Variants in FAT3 observed in about 807,000 individuals in gnomAD.
FAT3 encodes the protein protocadherin Fat 3.
A neutral mutation model predicts 310.2 loss-of-function variants in FAT3; 95 were observed. That is an observed-to-expected ratio of 0.31 (90% CI 0.26 to 0.36). The LOEUF (loss-of-function observed/expected upper bound fraction) is 0.36. Among genes scored for constraint, FAT3 ranks in the 10% least tolerant of loss-of-function variants. FAT3 has a pLI of 1.00. For missense variants in FAT3, 5,408 were observed against 5,715.6 expected (o/e 0.95, Z 1.74); for synonymous variants, 2,314 against 2,192.9 (o/e 1.06, Z -1.54).
Position 92,618,340 on chromosome 11 carries a change from TA to T in FAT3, c.3608-79043del, listed in dbSNP as rs547275337. Among the ~76,000 whole-genome samples, 269 of 152,328 alleles carry T rather than the reference TA, an allele frequency of 1.8e-3. 1 individual carries two copies. Among genetic ancestry groups the T allele is most frequent in the African/African-American group, 6.2e-3 (257 of 41,578 alleles). The stretch of plus-strand genomic sequence containing the variant: ...TAAGACCGTTGGAAAAGTGCAGTAT[TA>T]GGGGTGGGAGTGTCCCGATTTTCCA... On this transcript the variant is annotated intron_variant, in intron 3 of 27. Coordinates refer to ENST00000525166, the MANE Select transcript of FAT3 (RefSeq NM_001367949.2).
intron 4 of FAT3, among the ~76,000 whole-genome samples, chr11:92,734,460 G>A (rs927207654): frequency 3.3e-5 from 5 of 152,098 alleles, no homozygotes. Context: ...CAGGGCAGTA[G>A]GATTTTTTAA....
Position 92,792,964 on chromosome 11 carries a change from T to C in FAT3, c.4809T>C (p.Tyr1603=), listed in dbSNP as rs368361812. The change falls in exon 9 of 28, where the codon TAT becomes TAC. Residue 1603 remains tyrosine (Y), a synonymous_variant. Coordinates refer to ENST00000525166, the MANE Select transcript of FAT3 (RefSeq NM_001367949.2). ...AAGGAGAAAATGCAGAACTCATATA[T>C]ACCATAGAAGCAGGTGAGAGCTGTT... The part of the protein sequence containing the change: ...KDKGENAELI[Y]TIEAGNTGNM... 16 of 1,613,546 alleles carry C rather than the reference T, an allele frequency of 9.9e-6. No individual in the cohort carries two copies. The highest frequency in any genetic ancestry group is 1.4e-5 in the Non-Finnish European group (16 of 1,179,652).
At chr11:92,366,850 G>T (rs1591178384) in intron 2 of FAT3, 2 of 534,760 alleles carry the variant, frequency 3.7e-6, no homozygotes, top group Non-Finnish European at 3.8e-6. Flanking sequence ...TACTGATGTT[G>T]CTGTAGAAAG....
chr11:92,814,153 G>C (rs796318845), intron 13 of FAT3, among the ~76,000 whole-genome samples: 32 of 152,242 alleles, frequency 2.1e-4, no homozygotes, highest in African/African-American at 7.7e-4. Context: ...ATAAATTTCT[G>C]TTGTTTATAA....
chr11:92,601,115 GTT>G (rs1014414078), intron 3 of FAT3, among the ~76,000 whole-genome samples: 1 of 145,528 alleles, frequency 6.9e-6, no homozygotes, highest in Non-Finnish European at 1.5e-5. Flanking sequence ...CCAGAAGAAG[GTT>G]TTTTTTTTTT....
rs975923525 is a variant in FAT3, at chr11:92,354,911, C to A, written c.2799C>A (p.Ser933=). 21 of 1,613,702 alleles carry A rather than the reference C, an allele frequency of 1.3e-5. No homozygotes were observed. The African/African-American group carries it at 2.7e-4, about 21-fold the overall frequency. Residue 933 remains serine, a synonymous_variant, in exon 2 of 28, where the codon TCC becomes TCA. Coordinates refer to ENST00000525166, the MANE Select transcript of FAT3 (RefSeq NM_001367949.2). Reference sequence around the variant, plus strand: ...TTTTAGATGATGTCAATGACTGCTCCCCAGCTTTCATTCCCAGTAGCTATA... The same window carrying A: ...TTTTAGATGATGTCAATGACTGCTCACCAGCTTTCATTCCCAGTAGCTATA... ...KVFLDDVNDC[S]PAFIPSSYSV...
intron 2 of FAT3, among the ~76,000 whole-genome samples, chr11:92,485,591 A>G (rs1591354695): frequency 1.3e-5 from 2 of 152,344 alleles, no homozygotes; most frequent in East Asian, 3.9e-4. Flanking sequence ...GTGTCTGAAC[A>G]GCTAATTCTA....
intron 3 of FAT3, among the ~76,000 whole-genome samples, chr11:92,642,873 A>C (rs1053064648): frequency 1.7e-4 from 26 of 152,164 alleles, no homozygotes; most frequent in Admixed American, 6.5e-5. Flanking sequence ...AACAAAACCC[A>C]CAGAAAATCT....
At chr11:92,409,921 T>C (rs1950216579) in intron 2 of FAT3, among the ~76,000 whole-genome samples, 1 of 152,164 alleles carries the variant, frequency 6.6e-6, no homozygotes, top group African/African-American at 2.4e-5. Flanking sequence ...GTGGACATAA[T>C]CTTTTTGACT....
intron 4 of FAT3, among the ~76,000 whole-genome samples, chr11:92,738,613 A>G (rs186028307): frequency 5.9e-5 from 9 of 152,324 alleles, no homozygotes; most frequent in Admixed American, 4.6e-4. Flanking sequence ...AGTGAATTCA[A>G]AGTACTCTGA....
intron 3 of FAT3, among the ~76,000 whole-genome samples, chr11:92,635,502 T>A (rs1302557962): frequency 6.6e-6 from 1 of 152,240 alleles, no homozygotes; most frequent in African/African-American, 2.4e-5. Context: ...TGATGAGTTC[T>A]TACGCATTAT....
chr11:92,711,415 G>A (rs1944517347), intron 4 of FAT3, among the ~76,000 whole-genome samples: 1 of 152,010 alleles, frequency 6.6e-6, no homozygotes, highest in African/African-American at 2.4e-5. Context: ...CATGAATATA[G>A]CCCAGCCCCC....
At chr11:92,313,741 G>T (rs1947366111) in intron 1 of FAT3, among the ~76,000 whole-genome samples, 1 of 152,134 alleles carries the variant, frequency 6.6e-6, no homozygotes, top group African/African-American at 2.4e-5. Context: ...TGTATTTTTA[G>T]TAGAGACGGG....
chr11:92,378,736 A>G (rs1028571625), intron 2 of FAT3, among the ~76,000 whole-genome samples: 4 of 152,252 alleles, frequency 2.6e-5, no homozygotes, highest in African/African-American at 7.2e-5. Flanking sequence ...TATAAATAAC[A>G]GAAATGTATT....
At chr11:92,233,133 G>A (rs1225103884) in intron 1 of FAT3, among the ~76,000 whole-genome samples, 4 of 152,150 alleles carry the variant, frequency 2.6e-5, no homozygotes, top group Admixed American at 2.6e-4. Context: ...AGAGAACTTG[G>A]GAATGTTGAC....
rs373647530 is a variant in FAT3, at chr11:92,287,922, G to A, written c.-18+62748G>A. Among the ~76,000 whole-genome samples, 260 of 152,212 alleles carry A rather than the reference G, an allele frequency of 1.7e-3. 1 individual carries two copies. Among genetic ancestry groups the A allele is most frequent in the African/African-American group, 5.2e-3 (216 of 41,538 alleles). On this transcript the variant is annotated intron_variant, in intron 1 of 27. Coordinates refer to ENST00000525166, the MANE Select transcript of FAT3 (RefSeq NM_001367949.2). ...GTTAAAGTGGCCTAAGTTTGGAGCC[G>A]TTTTGCAGGCACAGAAAAACTGCAG...
chr11:92,248,058 A>G (rs1223012613), intron 1 of FAT3, among the ~76,000 whole-genome samples: 3 of 152,168 alleles, frequency 2.0e-5, no homozygotes, highest in East Asian at 1.9e-4. Flanking sequence ...AGAAGTATTT[A>G]AAAGAAATGA....
chr11:92,561,752 A>G (rs1439531959), intron 3 of FAT3, among the ~76,000 whole-genome samples: 1 of 152,014 alleles, frequency 6.6e-6, no homozygotes. Context: ...CAGCCTCCCA[A>G]GTATCTGGGA....
rs2136189317 is a variant in FAT3, at chr11:92,801,342, C to T, written c.8329C>T (p.Pro2777Ser). 2 of 1,613,938 alleles carry T rather than the reference C, an allele frequency of 1.2e-6. No individual in the cohort carries two copies. The highest frequency in any genetic ancestry group is 4.5e-5 in the East Asian group (2 of 44,868). The change falls in exon 10 of 28, where the codon CCA becomes TCA. Residue 2777 changes from proline (P) to serine (S), a missense_variant. By Grantham distance (74) the Pro-to-Ser change is moderately conservative (BLOSUM62 -1). This residue lies in a region of FAT3 where 4,588 missense variants were observed against 4,809.8 expected (regional missense o/e 0.95). Coordinates refer to ENST00000525166, the MANE Select transcript of FAT3 (RefSeq NM_001367949.2). ...LDKRLDRETS[P>S]AFHFKVAATI... ...CAAACGCCTTGACCGTGAAACCAGC[C>T]CAGCTTTCCACTTTAAAGTAGCAGC...
Sources: gnomAD v4.1 joint callset for allele counts (sites outside exome capture counted in the v4.1 genomes callset) on GRCh38, gnomAD v4.1.1 for gene constraint, gnomAD v4.1.1 regional missense constraint, MANE v1.5 for transcripts, NCBI Gene and HGNC (gene_info 2026-07-23, HGNC 2026-07-21) for gene names.